Variants in ANKRD44 observed in about 807,000 individuals in gnomAD.
ANKRD44 encodes serine/threonine-protein phosphatase 6 regulatory ankyrin repeat subunit B.
In ANKRD44, 35 loss-of-function variants were observed where a neutral mutation model predicts 116.0. The ratio of observed to expected loss-of-function variants is 0.30; its 90% CI spans 0.23 to 0.40. The LOEUF is 0.40. Ranked by LOEUF, ANKRD44 falls within the 10% of genes least tolerant of loss-of-function variation. The pLI, the probability that ANKRD44 is intolerant of heterozygous loss-of-function variation, is 1.00. For synonymous variants in ANKRD44, 435 were observed against 461.8 expected, an observed-to-expected ratio of 0.94 and a Z score of 0.74; for missense variants, 1,014 against 1,242.6, an observed-to-expected ratio of 0.82 and a Z score of 2.77.
At chr2:196,984,148 G>T (rs973409520), downstream of ANKRD44, among the ~76,000 whole-genome samples, 21 of 152,036 alleles carry the variant, frequency 1.4e-4, no homozygotes, top group African/African-American at 4.8e-4. Flanking sequence ...ATGAAGAAAT[G>T]ATTCAGAAAC....
intron 15 of ANKRD44, among the ~76,000 whole-genome samples, chr2:197,080,734 T>C (rs936112450): frequency 6.6e-6 from 1 of 152,008 alleles, no homozygotes; most frequent in Non-Finnish European, 1.5e-5. Context: ...TCCACAACAG[T>C]CTGGGCATGG....
At chr2:197,172,999 T>C (rs569184281) in intron 2 of ANKRD44, among the ~76,000 whole-genome samples, 5 of 152,350 alleles carry the variant, frequency 3.3e-5, no homozygotes, top group African/African-American at 1.2e-4. Flanking sequence ...GTCTGCCCTA[T>C]ATGTTTTAAA....
chr2:197,128,262 T>G (rs893769118), intron 4 of ANKRD44, among the ~76,000 whole-genome samples: 3 of 152,228 alleles, frequency 2.0e-5, no homozygotes, highest in Non-Finnish European at 4.4e-5. Flanking sequence ...CCACCAACAG[T>G]GCAAAAGCTT....
chr2:197,015,680 G>T, intron 17 of ANKRD44: 1 of 553,866 alleles, frequency 1.8e-6, no homozygotes, highest in Non-Finnish European at 3.3e-6. Flanking sequence ...GGTGATGGTG[G>T]GTGTAATGGA....
intron 10 of ANKRD44, among the ~76,000 whole-genome samples, chr2:197,094,792 T>C (rs2078124300): frequency 6.6e-6 from 1 of 152,228 alleles, no homozygotes; most frequent in Admixed American, 6.5e-5. Flanking sequence ...AAGTATTTAT[T>C]ATGCACCCTT....
At chr2:197,254,598 TACAC>T (rs3057783) in intron 1 of ANKRD44, among the ~76,000 whole-genome samples, 13,055 of 148,066 alleles carry the variant, frequency 0.088, 668 homozygotes, top group African/African-American at 0.15. Context: ...CATACATGCA[TACAC>T]ACACACACAC....
chr2:197,165,980 ATACTTTAG>A (rs2080092604), intron 2 of ANKRD44, among the ~76,000 whole-genome samples: 1 of 152,252 alleles, frequency 6.6e-6, no homozygotes, highest in African/African-American at 2.4e-5. Context: ...CCTTAAGTTC[ATACTTTAG>A]TAGAGGGAAC....
chr2:197,140,793 C>G (rs544310688), intron 3 of ANKRD44, among the ~76,000 whole-genome samples: 10 of 152,242 alleles, frequency 6.6e-5, no homozygotes, highest in Non-Finnish European at 7.3e-5. Flanking sequence ...CAGAGATAGA[C>G]ATCTCTGTCT....
chr2:197,219,110 G>A (rs529852845), intron 1 of ANKRD44, among the ~76,000 whole-genome samples: 9 of 137,716 alleles, frequency 6.5e-5, no homozygotes, highest in South Asian at 2.3e-4. Context: ...TTGCTCTGTC[G>A]CCAGGCTGGA....
At chr2:197,027,485 T>TGCA (rs2076619176) in intron 16 of ANKRD44, among the ~76,000 whole-genome samples, 1 of 152,178 alleles carries the variant, frequency 6.6e-6, no homozygotes, top group African/African-American at 2.4e-5. Flanking sequence ...GTCCCAGGAC[T>TGCA]GATGCCTGGG....
chr2:197,033,671 T>TTG (rs2076751210), intron 16 of ANKRD44, among the ~76,000 whole-genome samples: 1 of 151,334 alleles, frequency 6.6e-6, no homozygotes, highest in African/African-American at 2.4e-5. Flanking sequence ...TGTTGCTTTT[T>TTG]TTTTTTTTAA....
intron 1 of ANKRD44, among the ~76,000 whole-genome samples, chr2:197,202,955 C>G (rs960719909): frequency 3.2e-4 from 49 of 151,940 alleles, no homozygotes; most frequent in African/African-American, 1.2e-3. Flanking sequence ...ATCAAAATCC[C>G]CTGGGAAACT....
At chr2:197,208,553 C>T (rs1251351593) in intron 1 of ANKRD44, among the ~76,000 whole-genome samples, 2 of 152,140 alleles carry the variant, frequency 1.3e-5, no homozygotes, top group East Asian at 3.9e-4. Flanking sequence ...CCAATCCCAG[C>T]ACTTTGGGAG....
At chr2:197,206,260 T>C (rs563559731) in intron 1 of ANKRD44, among the ~76,000 whole-genome samples, 11 of 152,322 alleles carry the variant, frequency 7.2e-5, no homozygotes, top group African/African-American at 2.4e-4. Flanking sequence ...AGAGCCCTTC[T>C]TATGTGCTGG....
intron 1 of ANKRD44, among the ~76,000 whole-genome samples, chr2:197,265,054 C>G (rs2105749236): frequency 6.6e-6 from 1 of 152,250 alleles, no homozygotes; most frequent in Admixed American, 6.5e-5. Context: ...CAGTAAACCT[C>G]CCACAGAATT....
chr2:196,979,906 T>C (rs2075788836), intron 21 of ANKRD44, among the ~76,000 whole-genome samples: 1 of 152,124 alleles, frequency 6.6e-6, no homozygotes, highest in African/African-American at 2.4e-5. Flanking sequence ...TTAAAGGTTT[T>C]TGTCACAACC....
intron 16 of ANKRD44, among the ~76,000 whole-genome samples, chr2:197,044,124 T>C (rs1337183525): frequency 6.6e-6 from 1 of 152,198 alleles, no homozygotes; most frequent in Non-Finnish European, 1.5e-5. Context: ...AAAATGGAAG[T>C]GAACACAACT....
intron 2 of ANKRD44, among the ~76,000 whole-genome samples, chr2:197,168,804 G>A (rs1001507363): frequency 1.4e-4 from 21 of 152,128 alleles, no homozygotes; most frequent in East Asian, 7.7e-4. Context: ...TAGAAGTACC[G>A]TAATCCATGT....
intron 16 of ANKRD44, among the ~76,000 whole-genome samples, chr2:197,068,393 A>T (rs866365065): frequency 1.3e-3 from 87 of 68,148 alleles, no homozygotes; most frequent in African/African-American, 2.4e-3. Context: ...AAAATAAAAA[A>T]AAAATAAAAA....
Sources: gnomAD v4.1 joint callset for allele counts (sites outside exome capture counted in the v4.1 genomes callset) on GRCh38, gnomAD v4.1.1 for gene constraint, MANE v1.5 for transcripts, NCBI Gene and HGNC (gene_info 2026-07-23, HGNC 2026-07-21) for gene names.